The following LARP4B variants were observed in gnomAD, a reference collection of about 807,000 sequenced individuals.
LARP4B encodes the protein La ribonucleoprotein 4B.
LARP4B carries 12 observed loss-of-function variants against 89.8 expected under a neutral mutation model. The ratio of observed to expected loss-of-function variants is 0.13; its 90% CI spans 0.09 to 0.22. The LOEUF (loss-of-function observed/expected upper bound fraction) is 0.22. Among genes scored for constraint, LARP4B ranks in the 10% least tolerant of loss-of-function variants. The pLI, the probability that LARP4B is intolerant of heterozygous loss-of-function variation, is 1.00. For synonymous variants in LARP4B, 367 were observed against 363.3 expected (o/e 1.01, Z -0.12); for missense variants, 757 against 947.7 (o/e 0.80, Z 2.64).
chr10:869,469 A>G (rs939802405), intron 3 of LARP4B, among the ~76,000 whole-genome samples: 3 of 152,248 alleles, frequency 2.0e-5, no homozygotes, highest in Admixed American at 2.0e-4. Flanking sequence ...GCTTAAGTAC[A>G]CCAAACAAGA....
chr10:874,418 G>A (rs980749054), intron 3 of LARP4B, among the ~76,000 whole-genome samples: 1 of 152,210 alleles, frequency 6.6e-6, no homozygotes, highest in Non-Finnish European at 1.5e-5. Flanking sequence ...TCTGGTACCA[G>A]AACTAGAAAG....
intron 8 of LARP4B, among the ~76,000 whole-genome samples, chr10:835,861 A>G (rs1394693358): frequency 6.6e-6 from 1 of 151,540 alleles, no homozygotes; most frequent in Non-Finnish European, 1.5e-5. Context: ...TGAGCCTGGG[A>G]GATGGAGTTT....
upstream of LARP4B, among the ~76,000 whole-genome samples, chr10:932,030 TG>T (rs1292790005): frequency 7.4e-6 from 1 of 134,752 alleles, no homozygotes; most frequent in African/African-American, 2.8e-5. Context: ...CGCCTGACGC[TG>T]GGGGGCCGTG....
At chr10:976,373 TTAG>T in the LARP4B span, among the ~76,000 whole-genome samples, 1 of 125,408 alleles carries the variant, frequency 8.0e-6, no homozygotes, top group African/African-American at 3.1e-5. Context: ...GTGGCCCGGC[TTAG>T]TAGAATGTAG....
chr10:944,469 C>T, the LARP4B span, among the ~76,000 whole-genome samples: 3 of 152,146 alleles, frequency 2.0e-5, no homozygotes, highest in Admixed American at 6.6e-5. Flanking sequence ...TGCCCTGTCA[C>T]CCCCAAGTCT....
At chr10:855,119 G>A (rs1211749083) in intron 5 of LARP4B, among the ~76,000 whole-genome samples, 1 of 152,162 alleles carries the variant, frequency 6.6e-6, no homozygotes, top group Non-Finnish European at 1.5e-5. Context: ...TTAGACTTTG[G>A]CTTAAGGGAA....
chr10:931,981 C>T (rs907402647), upstream of LARP4B, among the ~76,000 whole-genome samples: 30 of 147,760 alleles, frequency 2.0e-4, no homozygotes, highest in African/African-American at 7.3e-4. Flanking sequence ...GCCCCGCCCG[C>T]CCCGCCCGCC....
chr10:820,598 C>T (rs1564381247), intron 14 of LARP4B: 1 of 573,026 alleles, frequency 1.7e-6, no homozygotes, highest in Non-Finnish European at 3.1e-6. Flanking sequence ...TCCTGTGCAG[C>T]ACATCGCTAT....
At chr10:857,554 G>T (rs1045911134) in intron 5 of LARP4B, among the ~76,000 whole-genome samples, 1 of 152,206 alleles carries the variant, frequency 6.6e-6, no homozygotes, top group Admixed American at 6.5e-5. Flanking sequence ...CCACCATTGG[G>T]GGAGGTACGA....
At chr10:845,495 T>A (rs1464610211) in intron 5 of LARP4B, among the ~76,000 whole-genome samples, 3 of 152,228 alleles carry the variant, frequency 2.0e-5, no homozygotes, top group Non-Finnish European at 2.9e-5. Context: ...GCTCTAGGAC[T>A]AGACAGTTTC....
At chr10:890,492 AGAGT>A (rs1835982268) in intron 1 of LARP4B, among the ~76,000 whole-genome samples, 1 of 152,232 alleles carries the variant, frequency 6.6e-6, no homozygotes, top group African/African-American at 2.4e-5. Context: ...AACAAAGAAA[AGAGT>A]GAATCAATTT....
chr10:853,028 G>A (rs1449792019), intron 5 of LARP4B, among the ~76,000 whole-genome samples: 19 of 152,166 alleles, frequency 1.2e-4, no homozygotes, highest in Admixed American at 1.2e-3. Flanking sequence ...TTCTCCAACT[G>A]ATCTATAGAT....
chr10:859,063 G>A (rs899058182), intron 5 of LARP4B, among the ~76,000 whole-genome samples: 2 of 152,096 alleles, frequency 1.3e-5, no homozygotes, highest in African/African-American at 4.8e-5. Flanking sequence ...GAGATGGGCA[G>A]AGGTCAGGAG....
intron 1 of LARP4B, among the ~76,000 whole-genome samples, chr10:911,406 C>G (rs1836660716): frequency 6.6e-6 from 1 of 152,096 alleles, no homozygotes. Context: ...TTTCTGGGAA[C>G]TCTTTTCAGT....
intron 1 of LARP4B, among the ~76,000 whole-genome samples, chr10:886,681 G>A (rs1051563988): frequency 3.3e-5 from 5 of 152,228 alleles, no homozygotes; most frequent in Non-Finnish European, 4.4e-5. Context: ...GGGTGAACCT[G>A]AAGGATATTA....
At chr10:926,500 T>C (rs1837136899) in intron 1 of LARP4B, among the ~76,000 whole-genome samples, 2 of 151,998 alleles carry the variant, frequency 1.3e-5, no homozygotes, top group South Asian at 4.2e-4. Flanking sequence ...GACACAGAAG[T>C]GGAAGCACAC....
chr10:851,170 A>G (rs1834028654), intron 5 of LARP4B, among the ~76,000 whole-genome samples: 2 of 151,666 alleles, frequency 1.3e-5, no homozygotes, highest in Non-Finnish European at 2.9e-5. Context: ...CGATAAAATG[A>G]AAACACTAAC....
chr10:819,486 G>C (rs907833951), intron 14 of LARP4B: 6 of 152,402 alleles, frequency 3.9e-5, no homozygotes, highest in African/African-American at 1.2e-4. Flanking sequence ...ACCTTTCTGA[G>C]GTCCTGAGAG....
chr10:863,776 C>G lies in LARP4B; in HGVS notation c.397G>C (p.Glu133Gln), dbSNP rs561966168. The G allele has an allele frequency of 6.2e-7, 1 of 1,613,192 alleles. No homozygotes were observed. Among genetic ancestry groups the G allele is most frequent in the Admixed American group, 1.7e-5 (1 of 59,708 alleles). The change falls in exon 5 of 18, where the codon GAA (glutamate) becomes CAA (glutamine). Residue 133 changes from glutamate (E) to glutamine (Q), a missense_variant. Coordinates refer to ENST00000316157, the MANE Select transcript of LARP4B (RefSeq NM_015155.3). ...DMNALALGPS[E>Q]YDSLPENSET... is the part of the protein sequence containing the mutation. ...CTATTTTCAGGCAGAGAGTCATATT[C>G]TGAGGGACCCAGAGCGAGAGCGTTC...
Sources: gnomAD v4.1 joint callset for allele counts (sites outside exome capture counted in the v4.1 genomes callset) on GRCh38, gnomAD v4.1.1 for gene constraint, MANE v1.5 for transcripts, NCBI Gene and HGNC (gene_info 2026-07-23, HGNC 2026-07-21) for gene names.